UBE4B: variants seen among roughly 807,000 people sequenced by gnomAD.
UBE4B encodes ubiquitin conjugation factor E4 B.
Under a neutral mutation model 148.1 loss-of-function variants are expected in UBE4B, and 27 were observed. The observed-to-expected ratio is 0.18, with a 90% CI of 0.13 to 0.25. The LOEUF (loss-of-function observed/expected upper bound fraction) is 0.25, where lower values mean the gene tolerates loss of function less well. Among genes scored for constraint, UBE4B ranks in the 10% least tolerant of loss-of-function variants. The pLI, the probability that UBE4B is intolerant of heterozygous loss-of-function variation, is 1.00. For synonymous variants in UBE4B, 596 were observed against 619.3 expected, an observed-to-expected ratio of 0.96 and a Z score of 0.56; for missense variants, 1,170 against 1,662.4, an observed-to-expected ratio of 0.70 and a Z score of 5.15.
chr1:10,168,393 T>A lies in UBE4B; in HGVS notation c.3333+123T>A. The A allele has an allele frequency of 4.3e-6, 6 of 1,411,218 alleles. No homozygotes were observed. The highest frequency in any genetic ancestry group is 5.7e-6 in the Non-Finnish European group (6 of 1,054,308). The allele number at this position is 1,411,218 out of a possible 1,614,324, so 87.4% of individuals were successfully genotyped here. A position where few individuals can be genotyped will look rare whatever the true frequency, so the allele number is the denominator to read the frequency against. The stretch of plus-strand genomic sequence containing the variant: ...GGATCACAGTCATCAATAAGTGAAA[T>A]TCTGTGACTGATTTTGTTCCCAGTT... On this transcript the variant is annotated intron_variant, in intron 24 of 27. Transcript: ENST00000343090. The surrounding 1 kb of genome is among the most constrained non-coding windows in gnomAD (Gnocchi z 4.9).
rs531709810 is a variant in UBE4B at position 10,057,519 on chromosome 1, C to T, written c.25-14509C>T. Among the ~76,000 whole-genome samples, 139 of 149,242 alleles carry T rather than the reference C, an allele frequency of 9.3e-4. 2 individuals are homozygous for T. In the South Asian group the frequency reaches 0.022, roughly 23 times the overall value. On this transcript the variant is annotated intron_variant, in intron 1 of 27. Coordinates refer to ENST00000343090, the MANE Select transcript of UBE4B (RefSeq NM_001105562.3). ...GCAGCCCCAAACTACTGCACTCAAGCGCTTCTCCTGCCTGAGCCTCCTGAG... is the reference window on the plus strand; with the variant it reads ...GCAGCCCCAAACTACTGCACTCAAGTGCTTCTCCTGCCTGAGCCTCCTGAG...
At position 10,101,114 on chromosome 1, in the gene UBE4B, C is replaced by G. The variant is rs1019947632; in HGVS notation, c.354C>G (p.Ser118=). ...TTGTCTTTTGTACTTTAAGCATGTCCCAGGTGGATGTGGATTCAGGAATTG... is the reference window on the plus strand; with the variant it reads ...TTGTCTTTTGTACTTTAAGCATGTCGCAGGTGGATGTGGATTCAGGAATTG... ...IDGVSCEKSM[S]QVDVDSGIEN... The change falls in exon 4 of 28, where the codon TCC becomes TCG. Residue 118 remains serine, a synonymous_variant. Coordinates refer to ENST00000343090, the MANE Select transcript of UBE4B (RefSeq NM_001105562.3). 3 of 1,613,752 alleles carry G rather than the reference C, an allele frequency of 1.9e-6. No individual in the cohort carries two copies. In the African/African-American group the frequency reaches 4.0e-5, roughly 22 times the overall value.
chr1:10,165,014 G>A (rs1395585097), intron 23 of UBE4B, among the ~76,000 whole-genome samples: 3 of 152,026 alleles, frequency 2.0e-5, no homozygotes, highest in Non-Finnish European at 4.4e-5. Context: ...CACATAACCT[G>A]ATGTCCCCCG....
At chr1:10,093,851 C>A (rs142747642) in intron 2 of UBE4B, among the ~76,000 whole-genome samples, 1 of 151,984 alleles carries the variant, frequency 6.6e-6, no homozygotes, top group Admixed American at 6.6e-5. Context: ...TGGGCCACCA[C>A]GCCCAGCTAA....
At chr1:10,147,152 T>C (rs1645887850) in intron 19 of UBE4B, 62 bp downstream of exon 19, 4 of 1,602,754 alleles carry the variant, frequency 2.5e-6, no homozygotes, top group Non-Finnish European at 3.4e-6. Context: ...GTCTTTATTG[T>C]CCTTCAAAGT....
chr1:10,142,703 G>A (rs1645802869), intron 17 of UBE4B, among the ~76,000 whole-genome samples: 1 of 151,972 alleles, frequency 6.6e-6, no homozygotes, highest in Non-Finnish European at 1.5e-5. Flanking sequence ...TCCCTGCAGA[G>A]GCTCTAGGGG....
Position 10,179,512 on chromosome 1 carries a change from C to T in UBE4B, c.3797C>T (p.Pro1266Leu), listed in dbSNP as rs1413198234. 1 of 1,614,014 alleles carries T rather than the reference C, an allele frequency of 6.2e-7. No homozygotes were observed. Among genetic ancestry groups the T allele is most frequent in the East Asian group, 2.2e-5 (1 of 44,886 alleles). ...ATCCTGCGGCACCTGCTCAACTCCC[C>T]CACGGACCCCTTCAACCGGCAGACG... Reference protein sequence around the residue: ...SIILRHLLNSPTDPFNRQTLT... With the variant: ...SIILRHLLNSLTDPFNRQTLT... Residue 1266 changes from proline to leucine, a missense_variant, in exon 27 of 28, where the codon CCC (proline) becomes CTC (leucine). Physicochemically the swap from Pro to Leu is moderately conservative, Grantham distance 98. This residue lies in a region of UBE4B where 348 missense variants were observed against 627.2 expected (regional missense o/e 0.55). Coordinates refer to ENST00000343090, the MANE Select transcript of UBE4B (RefSeq NM_001105562.3).
intron 11 of UBE4B, chr1:10,128,798 G>C (rs905310150): frequency 2.0e-5 from 3 of 152,312 alleles, no homozygotes; most frequent in Non-Finnish European, 2.9e-5. Context: ...AGTTACCATG[G>C]GCATGCTAAA....
chr1:10,068,273 A>G (rs1180341815), intron 1 of UBE4B, among the ~76,000 whole-genome samples: 1 of 150,474 alleles, frequency 6.6e-6, no homozygotes. Context: ...AAGTGATCCC[A>G]CCTACCTTGG....
chr1:10,136,259 G>A (rs1225256425), intron 16 of UBE4B, among the ~76,000 whole-genome samples: 1 of 151,892 alleles, frequency 6.6e-6, no homozygotes, highest in Middle Eastern at 3.2e-3. Flanking sequence ...GAGAGCTTGA[G>A]CCCAGGAGTT....
rs1248656571 is a variant in UBE4B, at chr1:10,060,591, CCAAAA to C, written c.25-11426_25-11422del. Among the ~76,000 whole-genome samples, 28 of 152,116 alleles carry C rather than the reference CCAAAA, an allele frequency of 1.8e-4. No homozygotes were observed. The South Asian group carries it at 5.8e-3, about 32-fold the overall frequency. On this transcript the variant is annotated intron_variant, in intron 1 of 27. Coordinates refer to ENST00000343090, the MANE Select transcript of UBE4B (RefSeq NM_001105562.3). The stretch of plus-strand genomic sequence containing the variant: ...TGTTTATGTATGGCATTTTCCTTTA[CCAAAA>C]CAAAACAAAAGAAAATAAAAACCTT...
rs1220659714 is a variant in UBE4B, at chr1:10,161,119, G to T, written c.3054-23G>T. 1.2e-6 allele frequency: 2 copies of T among 1,613,046 alleles called. No individual in the cohort carries two copies. Among genetic ancestry groups the T allele is most frequent in the Admixed American group, 3.3e-5 (2 of 59,944 alleles). Reference sequence around the variant, plus strand: ...TTGCTTCAGGGAGATGTATGACCATGTACAATATAATTGCCTTTCCAGCTC... The same window carrying T: ...TTGCTTCAGGGAGATGTATGACCATTTACAATATAATTGCCTTTCCAGCTC... On this transcript the variant is annotated intron_variant, in intron 22 of 27. Transcript: ENST00000343090. The surrounding 1 kb of genome is among the most constrained non-coding windows in gnomAD (Gnocchi z 4.1).
chr1:10,111,316 CT>C (rs1046913761), intron 7 of UBE4B, among the ~76,000 whole-genome samples: 4 of 152,116 alleles, frequency 2.6e-5, no homozygotes, highest in African/African-American at 9.7e-5. Flanking sequence ...TCTACTTCCC[CT>C]AACTCATGTA....
rs529168834 is a variant in UBE4B, at chr1:10,124,003, G to A, written c.1554+1927G>A. On this transcript the variant is annotated intron_variant, in intron 10 of 27. Coordinates refer to ENST00000343090, the MANE Select transcript of UBE4B (RefSeq NM_001105562.3). The stretch of plus-strand genomic sequence containing the variant: ...TTGGCCAGACTGGTGTTGAATTCCT[G>A]ATGTCAGGTGATCCACCCGCCTCAG... Among the ~76,000 whole-genome samples, 4 of 152,142 alleles carry A rather than the reference G, an allele frequency of 2.6e-5. No individual in the cohort carries two copies. The East Asian group carries it at 5.8e-4, about 22-fold the overall frequency.
chr1:10,053,304 A>G (rs531748195), intron 1 of UBE4B, among the ~76,000 whole-genome samples: 273 of 151,324 alleles, frequency 1.8e-3, no homozygotes, highest in Middle Eastern at 3.5e-3. Flanking sequence ...ATGCACCACC[A>G]TGCCCGGCTA....
intron 3 of UBE4B, 102 bp from the exon 4 acceptor site, chr1:10,101,006 C>G: frequency 1.0e-6 from 1 of 971,690 alleles, no homozygotes; most frequent in Non-Finnish European, 1.6e-6. Flanking sequence ...TTTTCCTTTC[C>G]TGATTAACTG....
At chr1:10,046,439 G>T (rs759407524) in intron 1 of UBE4B, among the ~76,000 whole-genome samples, 1 of 152,158 alleles carries the variant, frequency 6.6e-6, no homozygotes, top group African/African-American at 2.4e-5. Context: ...ATACAGTGGT[G>T]GAGAGGTTAG....
Position 10,170,382 on chromosome 1 carries a change from AT to A in UBE4B, c.3334-754del, listed in dbSNP as rs200025605. Among the ~76,000 whole-genome samples the A allele has an allele frequency of 7.5e-3, 1,140 of 152,304 alleles. 15 individuals are homozygous for A. The highest frequency in any genetic ancestry group is 9.6e-3 in the Non-Finnish European group (655 of 68,026). On this transcript the variant is annotated intron_variant, in intron 24 of 27. Transcript: ENST00000343090. The stretch of plus-strand genomic sequence containing the variant: ...ATGTTGAATTTGTATAAATCCAGTT[AT>A]TACATTTCATGAAAACCTTGTGACT...
chr1:10,170,384 T>TA (rs1646321556), intron 24 of UBE4B, among the ~76,000 whole-genome samples: 1 of 149,988 alleles, frequency 6.7e-6, no homozygotes, highest in African/African-American at 2.4e-5. Flanking sequence ...ATCCAGTTAT[T>TA]ACATTTCATG....
Sources: gnomAD v4.1 joint callset for allele counts (sites outside exome capture counted in the v4.1 genomes callset) on GRCh38, gnomAD v4.1.1 for gene constraint, gnomAD v4.1.1 regional missense constraint, Gnocchi (gnomAD v3.1) non-coding constraint, MANE v1.5 for transcripts, NCBI Gene and HGNC (gene_info 2026-07-23, HGNC 2026-07-21) for gene names.